The following PTPRT variants were observed in gnomAD, a reference collection of about 807,000 sequenced individuals.
PTPRT encodes the protein protein tyrosine phosphatase receptor type T.
A neutral mutation model predicts 176.8 loss-of-function variants in PTPRT; 56 were observed. That is an observed-to-expected ratio of 0.32 (90% CI 0.26 to 0.40). PTPRT has a LOEUF of 0.40. PTPRT is among the 10% of genes least tolerant of loss of function. PTPRT has a pLI of 1.00. For synonymous variants in PTPRT, 783 were observed against 739.0 expected, an observed-to-expected ratio of 1.06 and a Z score of -0.96; for missense variants, 1,540 against 1,908.2, an observed-to-expected ratio of 0.81 and a Z score of 3.60.
intron 1 of PTPRT, among the ~76,000 whole-genome samples, chr20:42,931,963 C>T (rs893456292): frequency 2.6e-5 from 4 of 152,224 alleles, no homozygotes; most frequent in African/African-American, 9.6e-5. Flanking sequence ...CTGAATCCAT[C>T]CCAGTTTGCA....
chr20:43,174,320 C>T (rs2015075588), intron 1 of PTPRT, among the ~76,000 whole-genome samples: 1 of 152,158 alleles, frequency 6.6e-6, no homozygotes, highest in South Asian at 2.1e-4. Flanking sequence ...ATTATACCTA[C>T]ATCATAACAG....
chr20:42,624,858 C>G (rs6030370), intron 7 of PTPRT, among the ~76,000 whole-genome samples: 1 of 151,948 alleles, frequency 6.6e-6, no homozygotes, highest in Non-Finnish European at 1.5e-5. Flanking sequence ...TGCAAACAAG[C>G]GTAAAAAGTC....
rs139742709 is a variant in PTPRT, at chr20:42,868,689, G to A, written c.214+17118C>T. On this transcript the variant is annotated intron_variant, in intron 2 of 30. Coordinates refer to ENST00000373187, the MANE Select transcript of PTPRT (RefSeq NM_007050.6). ...ATTAAGATGCCTGATAGGGTTATTA[G>A]TATGGGTGTAAGGAAGCCAGATGCT... Among the ~76,000 whole-genome samples the A allele has an allele frequency of 2.5e-3, 379 of 152,320 alleles. 1 individual carries two copies. Among genetic ancestry groups the A allele is most frequent in the African/African-American group, 8.6e-3 (359 of 41,578 alleles).
At chr20:42,059,529 G>T in the PTPRT span, among the ~76,000 whole-genome samples, 1 of 152,178 alleles carries the variant, frequency 6.6e-6, no homozygotes, top group Non-Finnish European at 1.5e-5. Context: ...TGTGATATCT[G>T]CCATTTTTGA....
chr20:42,869,667 C>T (rs1393113771), intron 2 of PTPRT, among the ~76,000 whole-genome samples: 2 of 152,190 alleles, frequency 1.3e-5, no homozygotes, highest in African/African-American at 2.4e-5. Context: ...TTTGGACTTA[C>T]ACTTTAAAGC....
chr20:42,536,610 G>A (rs1233088657), intron 7 of PTPRT, among the ~76,000 whole-genome samples: 1 of 152,124 alleles, frequency 6.6e-6, no homozygotes, highest in Non-Finnish European at 1.5e-5. Flanking sequence ...AATGAAGACA[G>A]TAACAGTTTA....
chr20:42,195,500 C>T (rs547652811), intron 16 of PTPRT, among the ~76,000 whole-genome samples: 4 of 121,860 alleles, frequency 3.3e-5, no homozygotes, highest in African/African-American at 1.4e-4. Flanking sequence ...AAATCTCATC[C>T]CAGTGGTTCC....
intron 7 of PTPRT, among the ~76,000 whole-genome samples, chr20:42,511,164 C>T (rs1488106088): frequency 6.6e-6 from 1 of 152,158 alleles, no homozygotes; most frequent in Non-Finnish European, 1.5e-5. Context: ...TAAGAAGGTT[C>T]TCACCAGATG....
rs2146064722 is a variant in PTPRT at position 42,677,911 on chromosome 20, T to A, written c.1108A>T (p.Thr370Ser). ...GTGAGGGGAGGCCCTGGCGGTCCCG[T>A]ACCCCCCTCACCTGGTCGTGTGAGG... ...VLLTRPGEGG[T>S]GPPGPPLTTR... Residue 370 changes from threonine (T) to serine (S), a missense_variant, in exon 7 of 31, where the codon ACG (threonine) becomes TCG (serine). Thr to Ser is a moderately conservative substitution (Grantham distance 58, BLOSUM62 1). Transcript: ENST00000373187. The A allele has an allele frequency of 1.2e-6, 2 of 1,614,072 alleles. No homozygotes were observed. Among genetic ancestry groups the A allele is most frequent in the Non-Finnish European group, 1.7e-6 (2 of 1,180,000 alleles).
At position 42,084,655 on chromosome 20, in the gene PTPRT, C is replaced by A. The variant is rs147407805; in HGVS notation, c.4136+27G>T. 5.9e-4 allele frequency: 834 copies of A among 1,408,032 alleles called. 6 individuals are homozygous for A. The African/African-American group carries it at 0.011, about 18-fold the overall frequency. The allele number at this position is 1,408,032 out of a possible 1,614,324, so 87.2% of individuals were successfully genotyped here. A position where few individuals can be genotyped will look rare whatever the true frequency, so the allele number is the denominator to read the frequency against. The stretch of plus-strand genomic sequence containing the variant: ...TGCTCTATCACCCACCACCCTATTG[C>A]CCTGGTGACACCTCCCTAGTACTCA... On this transcript the variant is annotated intron_variant, in intron 29 of 30. Coordinates refer to ENST00000373187, the MANE Select transcript of PTPRT (RefSeq NM_007050.6).
intron 7 of PTPRT, among the ~76,000 whole-genome samples, chr20:42,550,824 T>C (rs1475753657): frequency 6.6e-6 from 1 of 152,158 alleles, no homozygotes; most frequent in Non-Finnish European, 1.5e-5. Context: ...TATGTATCTA[T>C]CATACACTTG....
chr20:42,677,847 G>GA lies in PTPRT; in HGVS notation c.1153+18_1153+19insT, dbSNP rs2075533760. On this transcript the variant is annotated intron_variant, in intron 7 of 30. Transcript: ENST00000373187. ...GCACAGCCTCTCATAATGGAGCCTG[G>GA]GAAAAAAAAAAATCTTACCTGCACA... The GA allele has an allele frequency of 1.6e-6, 2 of 1,234,778 alleles. No homozygotes were observed. The highest frequency in any genetic ancestry group is 5.2e-5 in the East Asian group (2 of 38,750). The allele number at this position is 1,234,778 out of a possible 1,614,324, so 76.5% of individuals were successfully genotyped here. A position where few individuals can be genotyped will look rare whatever the true frequency, so the allele number is the denominator to read the frequency against.
intron 7 of PTPRT, among the ~76,000 whole-genome samples, chr20:42,524,623 C>T (rs11086843): frequency 0.46 from 69,960 of 151,932 alleles, 18,957 homozygotes; most frequent in East Asian, 0.61. Context: ...TTATTTATCC[C>T]GCTTAGGATA....
chr20:42,607,608 A>G (rs1323383311), intron 7 of PTPRT: 1 of 152,550 alleles, frequency 6.6e-6, no homozygotes, highest in African/African-American at 2.4e-5. Flanking sequence ...AACTTGGAGC[A>G]ACAATGAAAT....
At chr20:42,654,457 C>T (rs1438631003) in intron 7 of PTPRT, among the ~76,000 whole-genome samples, 2 of 152,132 alleles carry the variant, frequency 1.3e-5, no homozygotes, top group African/African-American at 4.8e-5. Context: ...CATCCCACAC[C>T]AGACATCCAG....
At chr20:42,445,989 C>T (rs1459451269) in intron 9 of PTPRT, among the ~76,000 whole-genome samples, 2 of 152,174 alleles carry the variant, frequency 1.3e-5, no homozygotes, top group Non-Finnish European at 2.9e-5. Flanking sequence ...TTCTTCTTGT[C>T]ATGGAATTTT....
chr20:43,013,279 A>G (rs561197332), intron 1 of PTPRT, among the ~76,000 whole-genome samples: 29 of 152,238 alleles, frequency 1.9e-4, no homozygotes, highest in Admixed American at 5.9e-4. Flanking sequence ...TAAATGACCC[A>G]TGTGTGGGGT....
intron 2 of PTPRT, among the ~76,000 whole-genome samples, chr20:42,854,759 CT>C (rs2078532693): frequency 6.6e-6 from 1 of 152,220 alleles, no homozygotes; most frequent in African/African-American, 2.4e-5. Flanking sequence ...TCCAAGCCTG[CT>C]TGCTTCCTCT....
intron 1 of PTPRT, among the ~76,000 whole-genome samples, chr20:43,185,531 A>G (rs1400619610): frequency 1.3e-5 from 2 of 152,204 alleles, no homozygotes; most frequent in Non-Finnish European, 2.9e-5. Context: ...AACATTCCCT[A>G]TTTAAACCCT....
Sources: gnomAD v4.1 joint callset for allele counts (sites outside exome capture counted in the v4.1 genomes callset) on GRCh38, gnomAD v4.1.1 for gene constraint, MANE v1.5 for transcripts, NCBI Gene and HGNC (gene_info 2026-07-23, HGNC 2026-07-21) for gene names.